Variants in PTPRZ1 observed in about 807,000 individuals in gnomAD.
PTPRZ1 encodes receptor-type tyrosine-protein phosphatase zeta.
In PTPRZ1, 82 loss-of-function variants were observed where a neutral mutation model predicts 214.1. That is an observed-to-expected ratio of 0.38 (90% CI 0.32 to 0.46). PTPRZ1 has a LOEUF of 0.46. PTPRZ1 is among the 20% of genes least tolerant of loss of function. The probability of loss-of-function intolerance (pLI) is 1.00; values close to 1 mark genes in which losing one functional copy is unlikely to be tolerated. For synonymous variants in PTPRZ1, 945 were observed against 987.9 expected (o/e 0.96, Z 0.81); for missense variants, 2,603 against 2,748.7 (o/e 0.95, Z 1.19).
intron 1 of PTPRZ1, among the ~76,000 whole-genome samples, chr7:121,909,539 T>C (rs954753380): frequency 2.0e-5 from 3 of 152,098 alleles, no homozygotes; most frequent in Non-Finnish European, 4.4e-5. Flanking sequence ...CCTGAGAAAA[T>C]AATCAAATTT....
chr7:121,950,745 T>C (rs1796522611), intron 2 of PTPRZ1, among the ~76,000 whole-genome samples: 1 of 152,250 alleles, frequency 6.6e-6, no homozygotes, highest in African/African-American at 2.4e-5. Context: ...TCTTCTTCTT[T>C]TAGCCCTTAG....
intron 6 of PTPRZ1, among the ~76,000 whole-genome samples, chr7:121,981,301 A>C (rs574388539): frequency 1.3e-5 from 2 of 152,332 alleles, no homozygotes; most frequent in East Asian, 3.9e-4. Flanking sequence ...ATCTTAATGC[A>C]AATGGTCTAG....
At chr7:121,951,280 A>G (rs1434710323) in intron 2 of PTPRZ1, among the ~76,000 whole-genome samples, 1 of 152,188 alleles carries the variant, frequency 6.6e-6, no homozygotes, top group African/African-American at 2.4e-5. Flanking sequence ...GAGAGATACA[A>G]CCTCATTGCT....
intron 18 of PTPRZ1, among the ~76,000 whole-genome samples, chr7:122,038,287 A>C (rs1040992900): frequency 5.9e-5 from 9 of 152,144 alleles, no homozygotes; most frequent in African/African-American, 2.2e-4. Flanking sequence ...ATTGCTAATA[A>C]TGATTAGCAC....
chr7:121,947,120 A>G (rs552604479), intron 2 of PTPRZ1, among the ~76,000 whole-genome samples: 105 of 152,176 alleles, frequency 6.9e-4, no homozygotes, highest in Non-Finnish European at 1.4e-3. Flanking sequence ...TTGTGATTAT[A>G]TAGGAAAATA....
intron 22 of PTPRZ1, among the ~76,000 whole-genome samples, chr7:122,043,044 C>T (rs1481726069): frequency 6.6e-6 from 1 of 152,186 alleles, no homozygotes; most frequent in Non-Finnish European, 1.5e-5. Context: ...TGTCTGTATC[C>T]AAATTTTCCT....
chr7:121,957,357 T>G (rs1796740091), intron 2 of PTPRZ1, among the ~76,000 whole-genome samples: 1 of 152,132 alleles, frequency 6.6e-6, no homozygotes, highest in Admixed American at 6.5e-5. Context: ...GTGCTGGGTG[T>G]GGGATGCAGC....
rs1376298845 is a variant in PTPRZ1, at chr7:122,016,981, G to A, written c.4844-2143G>A. ...TCAGAAGATTTTGTATGGTTTGAGC[G>A]AAGCCTAAAATTTGCATTTCTAAGT... On this transcript the variant is annotated intron_variant, in intron 12 of 29. Transcript: ENST00000393386. 3.9e-5 allele frequency among the ~76,000 whole-genome samples: 6 copies of A among 152,194 alleles called. No homozygotes were observed. In the South Asian group the frequency reaches 6.2e-4, roughly 16 times the overall value.
At chr7:121,926,754 A>G (rs1298285036) in intron 1 of PTPRZ1, among the ~76,000 whole-genome samples, 2 of 152,238 alleles carry the variant, frequency 1.3e-5, no homozygotes, top group African/African-American at 4.8e-5. Flanking sequence ...TAAATATTCT[A>G]AAAGCCATTG....
At chr7:121,978,691 G>A (rs1797514941) in intron 6 of PTPRZ1, among the ~76,000 whole-genome samples, 1 of 152,070 alleles carries the variant, frequency 6.6e-6, no homozygotes, top group South Asian at 2.1e-4. Context: ...GGGACACAGA[G>A]CTAAACCATA....
At chr7:121,879,099 A>C (rs150962464) in intron 1 of PTPRZ1, among the ~76,000 whole-genome samples, 6 of 152,230 alleles carry the variant, frequency 3.9e-5, no homozygotes, top group African/African-American at 1.4e-4. Context: ...TGGAGCTGTC[A>C]TGAATGTGAT....
At chr7:121,937,603 G>A (rs774180049) in intron 2 of PTPRZ1, among the ~76,000 whole-genome samples, 11 of 152,194 alleles carry the variant, frequency 7.2e-5, no homozygotes, top group Non-Finnish European at 1.2e-4. Flanking sequence ...TGCATGTGGT[G>A]CAGGCATTCA....
At chr7:121,964,000 A>T (rs1229109103) in intron 2 of PTPRZ1, among the ~76,000 whole-genome samples, 1 of 152,156 alleles carries the variant, frequency 6.6e-6, no homozygotes, top group Non-Finnish European at 1.5e-5. Context: ...TTTAGTAGGG[A>T]CTACTCAACT....
intron 14 of PTPRZ1, among the ~76,000 whole-genome samples, chr7:122,030,861 A>G (rs1472073799): frequency 1.3e-5 from 2 of 152,076 alleles, no homozygotes; most frequent in Non-Finnish European, 2.9e-5. Flanking sequence ...GACTTTGTTT[A>G]CATAGCATAT....
At chr7:121,903,966 T>TCACACACAGACACACACACACA (rs755394033) in intron 1 of PTPRZ1, among the ~76,000 whole-genome samples, 3 of 123,846 alleles carry the variant, frequency 2.4e-5, no homozygotes, top group East Asian at 4.7e-4. Context: ...TCTTTAAATC[T>TCACACACAGACACACACACACA]CACACACACA....
At chr7:121,935,512 C>T (rs1455643574) in intron 2 of PTPRZ1, among the ~76,000 whole-genome samples, 4 of 151,038 alleles carry the variant, frequency 2.6e-5, no homozygotes, top group African/African-American at 4.9e-5. Flanking sequence ...TTCGTTTGTT[C>T]GTTTGTTTTT....
intron 25 of PTPRZ1, among the ~76,000 whole-genome samples, chr7:122,052,821 A>G (rs1399241792): frequency 2.0e-5 from 3 of 152,050 alleles, no homozygotes; most frequent in African/African-American, 7.2e-5. Context: ...GGAAATGTAA[A>G]CTCTCCTGTA....
chr7:121,896,597 C>G (rs1421449494), intron 1 of PTPRZ1, among the ~76,000 whole-genome samples: 1 of 151,914 alleles, frequency 6.6e-6, no homozygotes, highest in Non-Finnish European at 1.5e-5. Flanking sequence ...CATGGTGAAA[C>G]CCCGCCTCTA....
chr7:121,962,191 T>G (rs977968325), intron 2 of PTPRZ1, among the ~76,000 whole-genome samples: 4 of 152,290 alleles, frequency 2.6e-5, no homozygotes, highest in Middle Eastern at 3.4e-3. Context: ...GGTTCACACC[T>G]GTAATCCCAG....
Sources: gnomAD v4.1 joint callset for allele counts (sites outside exome capture counted in the v4.1 genomes callset) on GRCh38, gnomAD v4.1.1 for gene constraint, MANE v1.5 for transcripts, NCBI Gene and HGNC (gene_info 2026-07-23, HGNC 2026-07-21) for gene names.